The following EIF2B3 variants were observed in gnomAD, a reference collection of about 807,000 sequenced individuals.
The protein encoded by EIF2B3 is eukaryotic translation initiation factor 2B subunit gamma, also known as translation initiation factor eIF2B subunit gamma.
Under a neutral mutation model 54.1 loss-of-function variants are expected in EIF2B3, and 20 were observed. The ratio of observed to expected loss-of-function variants is 0.37; its 90% CI spans 0.26 to 0.54. The LOEUF (loss-of-function observed/expected upper bound fraction) is 0.54, where lower values mean the gene tolerates loss of function less well. Among genes scored for constraint, EIF2B3 ranks in the 20% least tolerant of loss-of-function variants. The probability of loss-of-function intolerance (pLI) is 0.86; values close to 1 mark genes in which losing one functional copy is unlikely to be tolerated. For synonymous variants in EIF2B3, 153 were observed against 188.1 expected, an observed-to-expected ratio of 0.81 and a Z score of 1.52; for missense variants, 448 against 547.8, an observed-to-expected ratio of 0.82 and a Z score of 1.82.
intron 8 of EIF2B3, among the ~76,000 whole-genome samples, chr1:44,879,199 C>A (rs1188280488): frequency 6.6e-6 from 1 of 152,132 alleles, no homozygotes; most frequent in Non-Finnish European, 1.5e-5. Flanking sequence ...TCTTTACTGT[C>A]CCCCTCTCCA....
chr1:44,986,165 A>C (rs1644574962), intron 1 of EIF2B3, among the ~76,000 whole-genome samples: 1 of 142,208 alleles, frequency 7.0e-6, no homozygotes, highest in South Asian at 2.2e-4. Context: ...TGAAACGGAG[A>C]GTCTCACTAT....
intron 3 of EIF2B3, among the ~76,000 whole-genome samples, chr1:44,969,309 A>G (rs1031622975): frequency 3.3e-5 from 5 of 152,184 alleles, no homozygotes; most frequent in African/African-American, 9.6e-5. Flanking sequence ...TACAAGGGGG[A>G]AAAAAGAAAT....
intron 5 of EIF2B3, among the ~76,000 whole-genome samples, chr1:44,914,622 G>A (rs559370663): frequency 6.6e-6 from 1 of 152,220 alleles, no homozygotes; most frequent in South Asian, 2.1e-4. Flanking sequence ...CAGAATTCAA[G>A]GATTTTAGAG....
intron 8 of EIF2B3, among the ~76,000 whole-genome samples, chr1:44,878,098 G>A (rs775571788): frequency 6.6e-6 from 1 of 152,184 alleles, no homozygotes. Context: ...CGTGAAAGAT[G>A]CTAGTCATGG....
At chr1:44,906,394 T>C (rs1233171243) in intron 5 of EIF2B3, among the ~76,000 whole-genome samples, 2 of 152,238 alleles carry the variant, frequency 1.3e-5, no homozygotes, top group Non-Finnish European at 2.9e-5. Context: ...TTTCAGCTTC[T>C]GCATGGCTAG....
At chr1:44,975,429 C>T (rs546313328) in intron 3 of EIF2B3, among the ~76,000 whole-genome samples, 21 of 152,218 alleles carry the variant, frequency 1.4e-4, no homozygotes, top group African/African-American at 5.1e-4. Flanking sequence ...CTACTACATA[C>T]CTAGGCTATA....
chr1:44,971,346 G>A (rs1194780753), intron 3 of EIF2B3, among the ~76,000 whole-genome samples: 2 of 150,758 alleles, frequency 1.3e-5, no homozygotes, highest in South Asian at 4.2e-4. Flanking sequence ...CTCCAGCCTG[G>A]GCTACAGAGC....
At chr1:44,889,528 A>T (rs915185177) in intron 6 of EIF2B3, among the ~76,000 whole-genome samples, 3 of 151,618 alleles carry the variant, frequency 2.0e-5, no homozygotes, top group African/African-American at 7.3e-5. Context: ...CAGAGCGAGG[A>T]TCCATCTTAA....
At chr1:44,949,767 T>C (rs1165330767) in intron 3 of EIF2B3, among the ~76,000 whole-genome samples, 2 of 152,200 alleles carry the variant, frequency 1.3e-5, no homozygotes, top group Non-Finnish European at 2.9e-5. Context: ...GCTTGCTAGA[T>C]TTACAACTTA....
At chr1:44,893,760 A>C (rs1485885814) in intron 6 of EIF2B3, among the ~76,000 whole-genome samples, 2 of 151,670 alleles carry the variant, frequency 1.3e-5, no homozygotes, top group African/African-American at 2.4e-5. Flanking sequence ...AACCGTGGAT[A>C]CTTCTGGACA....
chr1:44,981,283 T>G, intron 1 of EIF2B3, 106 bp from the exon 2 acceptor site: 1 of 1,151,374 alleles, frequency 8.7e-7, no homozygotes, highest in Non-Finnish European at 1.3e-6. Context: ...ACCCACTATG[T>G]CAAATGCATA....
chr1:44,986,138 CTT>C (rs66786376), intron 1 of EIF2B3, among the ~76,000 whole-genome samples: 15 of 142,210 alleles, frequency 1.1e-4, no homozygotes, highest in Non-Finnish European at 9.1e-5. Flanking sequence ...CTTTTCTTTT[CTT>C]TTTTTTTTTT....
rs557023958 is a variant in EIF2B3 at position 44,940,412 on chromosome 1, TATCAAAATAAGTATGTTACA to T, written c.454+1074_454+1093del. 2.0e-3 allele frequency among the ~76,000 whole-genome samples: 303 copies of T among 152,102 alleles called. 1 individual carries two copies. The highest frequency in any genetic ancestry group is 8.1e-3 in the South Asian group (39 of 4,814). On this transcript the variant is annotated intron_variant, in intron 4 of 11. Transcript: ENST00000360403. ...ACTACTAGAATCCTAGGAAAATAAG[TATCAAAATAAGTATGTTACA>T]ATCAAAATAAGTATGTTATAATCCT...
At chr1:44,877,213 A>AAAAC in intron 8 of EIF2B3, among the ~76,000 whole-genome samples, 1 of 148,478 alleles carries the variant, frequency 6.7e-6, no homozygotes, top group Admixed American at 6.7e-5. Flanking sequence ...AAAAAAAAAA[A>AAAAC]AAAAAAAAAC....
At chr1:44,923,282 C>T (rs1049063388) in intron 5 of EIF2B3, among the ~76,000 whole-genome samples, 1 of 152,192 alleles carries the variant, frequency 6.6e-6, no homozygotes, top group African/African-American at 2.4e-5. Context: ...TGAAAGTGGG[C>T]ATCCTTGTCT....
chr1:44,969,445 G>A (rs980659589), intron 3 of EIF2B3, among the ~76,000 whole-genome samples: 1 of 152,048 alleles, frequency 6.6e-6, no homozygotes, highest in Non-Finnish European at 1.5e-5. Flanking sequence ...TATTTATGAG[G>A]CAACTGAAAA....
intron 5 of EIF2B3, among the ~76,000 whole-genome samples, chr1:44,917,753 C>CT (rs1643653136): frequency 1.0e-5 from 1 of 97,946 alleles, no homozygotes; most frequent in Non-Finnish European, 2.0e-5. Flanking sequence ...ACCAATAACA[C>CT]TCTTTTTTTT....
chr1:44,877,189 C>CTATAAAAAA (rs1655196058), intron 8 of EIF2B3, among the ~76,000 whole-genome samples: 1 of 29,464 alleles, frequency 3.4e-5, no homozygotes, highest in African/African-American at 1.8e-4. Context: ...CAAGAATGAT[C>CTATAAAAAA]AATAAAAAAA....
intron 1 of EIF2B3, among the ~76,000 whole-genome samples, chr1:44,983,612 C>T (rs1192731961): frequency 6.6e-6 from 1 of 152,168 alleles, no homozygotes; most frequent in African/African-American, 2.4e-5. Flanking sequence ...TGGCTCACGC[C>T]TGTAATCCCA....
Sources: allele counts gnomAD v4.1 joint callset (sites outside exome capture counted in the v4.1 genomes callset), GRCh38; gene constraint gnomAD v4.1.1; transcripts MANE v1.5; gene names NCBI Gene and HGNC (gene_info 2026-07-23, HGNC 2026-07-21).